The following ETFRF1 variants were observed in gnomAD, a reference collection of about 807,000 sequenced individuals.
ETFRF1 encodes electron transfer flavoprotein regulatory factor 1.
ETFRF1 carries 12 observed loss-of-function variants against 9.0 expected under a neutral mutation model. The observed-to-expected ratio is 1.34, with a 90% CI of 0.86 to 2.16. ETFRF1 has a LOEUF of 2.16. ETFRF1 is among the 30% of genes most tolerant of loss of function. ETFRF1 has a pLI of 0.00. For missense variants in ETFRF1, 98 were observed against 101.8 expected (o/e 0.96, Z 0.16); for synonymous variants, 34 against 33.2 (o/e 1.02, Z -0.08).
chr12:25,202,957 C>T (rs1236421127), intron 1 of ETFRF1, among the ~76,000 whole-genome samples: 3 of 152,112 alleles, frequency 2.0e-5, no homozygotes, highest in Admixed American at 2.0e-4. Context: ...CAGTGACAGT[C>T]CCATGGTGAT....
At chr12:25,196,843 C>CA (rs937722966) in intron 1 of ETFRF1, among the ~76,000 whole-genome samples, 10 of 152,174 alleles carry the variant, frequency 6.6e-5, no homozygotes, top group African/African-American at 2.2e-4. Flanking sequence ...CTAAATGCTT[C>CA]AAGGTCAACT....
chr12:25,196,623 C>T (rs1346316992), intron 1 of ETFRF1, among the ~76,000 whole-genome samples: 22 of 152,144 alleles, frequency 1.4e-4, no homozygotes, highest in Admixed American at 1.3e-3. Flanking sequence ...GGACTGCAAC[C>T]GCTGTCTCAT....
chr12:25,203,700 T>C (rs755653449), intron 1 of ETFRF1: 4 of 334,544 alleles, frequency 1.2e-5, no homozygotes, highest in African/African-American at 2.1e-5. Context: ...ACAATCACAA[T>C]TGTCTTTGCT....
rs1481109908 is a variant in ETFRF1 at position 25,205,128 on chromosome 12, C to A, written c.*816C>A. The A allele has an allele frequency of 4.6e-6, 1 of 216,854 alleles. No individual in the cohort carries two copies. Among genetic ancestry groups the A allele is most frequent in the Admixed American group, 5.8e-5 (1 of 17,218 alleles). The allele number at this position is 216,854 out of a possible 1,614,324, so 13.4% of individuals were successfully genotyped here. On this transcript the variant is annotated 3_prime_UTR_variant, in exon 3 of 3. Coordinates refer to ENST00000381356, the MANE Select transcript of ETFRF1 (RefSeq NM_001001660.3). ...CAGCACCTTTTAGAAATAAAGGATA[C>A]TTCTAACAAGCTGCATAAAAGATTC...
rs200997788 is a variant in ETFRF1 at position 25,204,190 on chromosome 12, A to T, written c.151A>T (p.Lys51Ter). 6 of 1,613,154 alleles carry T rather than the reference A, an allele frequency of 3.7e-6. No homozygotes were observed. Among genetic ancestry groups the T allele is most frequent in the Non-Finnish European group, 5.1e-6 (6 of 1,179,446 alleles). ...AAACAAAGATGTGAAGAATCCAGAG[A>T]AGATCAAAGAACTTATTGCACAGGG... ...LKNKDVKNPE[K>*]IKELIAQGEF... is the part of the protein sequence containing the mutation. Residue 51 changes from lysine to a stop codon, truncating the protein, a stop_gained, in exon 3 of 3, where the codon AAG becomes TAG. Transcript: ENST00000381356. LOFTEE classifies it high-confidence loss of function.
intron 1 of ETFRF1, among the ~76,000 whole-genome samples, chr12:25,202,510 A>G (rs1356912451): frequency 6.6e-6 from 1 of 151,998 alleles, no homozygotes; most frequent in Admixed American, 6.6e-5. Context: ...ACAAAAGGTG[A>G]GCCTTACCCA....
Position 25,204,465 on chromosome 12 carries a change from A to G in ETFRF1, c.*153A>G, listed in dbSNP as rs762260969. The stretch of plus-strand genomic sequence containing the variant: ...TAAATAGGTTTCAACTTCTGTTCAT[A>G]CGGAGAAAGTATCAGCAACTTTATG... On this transcript the variant is annotated 3_prime_UTR_variant, in exon 3 of 3. Transcript: ENST00000381356. 3.1e-5 allele frequency: 16 copies of G among 518,322 alleles called. No individual in the cohort carries two copies. The highest frequency in any genetic ancestry group is 4.7e-5 in the Non-Finnish European group (15 of 317,992). The allele number at this position is 518,322 out of a possible 1,614,324, so 32.1% of individuals were successfully genotyped here.
At position 25,204,206 on chromosome 12, in the gene ETFRF1, T is replaced by C. The variant is rs758141786; in HGVS notation, c.167T>C (p.Ile56Thr). The change falls in exon 3 of 3, where the codon ATT becomes ACT. Residue 56 changes from isoleucine (I) to threonine (T), a missense_variant. Transcript: ENST00000381356. ...AATCCAGAGAAGATCAAAGAACTTA[T>C]TGCACAGGGCGAATTTGTAATGAAA... ...VKNPEKIKEL[I>T]AQGEFVMKEL... 23 of 1,613,072 alleles carry C rather than the reference T, an allele frequency of 1.4e-5. No homozygotes were observed. The highest frequency in any genetic ancestry group is 3.3e-4 in the Middle Eastern group (2 of 6,078).
At chr12:25,197,016 C>A (rs185109445) in intron 1 of ETFRF1, among the ~76,000 whole-genome samples, 5 of 151,970 alleles carry the variant, frequency 3.3e-5, no homozygotes, top group Non-Finnish European at 7.4e-5. Context: ...ATTAGCCGGG[C>A]GTGGTGATCA....
Position 25,204,317 on chromosome 12 carries a change from T to G in ETFRF1, c.*5T>G. On this transcript the variant is annotated 3_prime_UTR_variant, in exon 3 of 3. Transcript: ENST00000381356. ...GATACCAACAAAACTAATTGATCAT[T>G]ACTACTTTAATTTAGCTATCAGTGC... The G allele has an allele frequency of 6.4e-7, 1 of 1,553,050 alleles. No homozygotes were observed.
intron 1 of ETFRF1, among the ~76,000 whole-genome samples, chr12:25,198,772 A>G (rs1398446823): frequency 6.6e-6 from 1 of 152,236 alleles, no homozygotes; most frequent in Non-Finnish European, 1.5e-5. Flanking sequence ...AAGAGGAGCC[A>G]GAAAAGCAGT....
At chr12:25,196,268 T>C (rs923531866) in intron 1 of ETFRF1, 1 of 152,250 alleles carries the variant, frequency 6.6e-6, no homozygotes, top group African/African-American at 2.4e-5. Context: ...TACAGAGTTC[T>C]TACTCAGTTT....
At chr12:25,197,203 A>G (rs1457355680) in intron 1 of ETFRF1, among the ~76,000 whole-genome samples, 1 of 152,170 alleles carries the variant, frequency 6.6e-6, no homozygotes, top group Non-Finnish European at 1.5e-5. Context: ...TAACATATCA[A>G]AGAAGAACAA....
intron 1 of ETFRF1, among the ~76,000 whole-genome samples, chr12:25,199,537 A>G (rs1951057261): frequency 6.6e-6 from 1 of 150,830 alleles, no homozygotes; most frequent in Non-Finnish European, 1.5e-5. Flanking sequence ...AACAGGGCTA[A>G]GTGGTGGGAA....
At chr12:25,198,784 AATGT>A (rs1196436421) in intron 1 of ETFRF1, among the ~76,000 whole-genome samples, 3 of 152,198 alleles carry the variant, frequency 2.0e-5, no homozygotes, top group Non-Finnish European at 4.4e-5. Context: ...AAAAGCAGTA[AATGT>A]ATGACCTTCA....
intron 1 of ETFRF1, among the ~76,000 whole-genome samples, chr12:25,203,336 T>C (rs1324325609): frequency 6.6e-6 from 1 of 152,188 alleles, no homozygotes; most frequent in Admixed American, 6.5e-5. Context: ...CTCTTACAGG[T>C]TGTTCATTTG....
intron 1 of ETFRF1, among the ~76,000 whole-genome samples, chr12:25,202,063 CAAAAAAAAA>C (rs149050811): frequency 7.6e-5 from 4 of 52,814 alleles, no homozygotes; most frequent in East Asian, 1.3e-3. Flanking sequence ...TACTGAAATA[CAAAAAAAAA>C]AAAAAAAAAA....
At chr12:25,195,513 G>C in intron 1 of ETFRF1, 176 bp downstream of exon 1, 1 of 281,506 alleles carries the variant, frequency 3.6e-6, no homozygotes, top group Non-Finnish European at 6.9e-6. Flanking sequence ...GTTTCGAGAA[G>C]GAAACAGGCA....
Position 25,204,186 on chromosome 12 carries a change from AGAG to A in ETFRF1, c.148_150del (p.Glu50del). The stretch of plus-strand genomic sequence containing the variant: ...TTAAAAACAAAGATGTGAAGAATCC[AGAG>A]AAGATCAAAGAACTTATTGCACAGG... On this transcript the variant is annotated inframe_deletion, in exon 3 of 3. Coordinates refer to ENST00000381356, the MANE Select transcript of ETFRF1 (RefSeq NM_001001660.3). 1.2e-6 allele frequency: 2 copies of A among 1,613,438 alleles called. No homozygotes were observed. The highest frequency in any genetic ancestry group is 1.7e-6 in the Non-Finnish European group (2 of 1,179,650).
Sources: allele counts gnomAD v4.1 joint callset (sites outside exome capture counted in the v4.1 genomes callset), GRCh38; gene constraint gnomAD v4.1.1; transcripts MANE v1.5; gene names NCBI Gene and HGNC (gene_info 2026-07-23, HGNC 2026-07-21).